CDH4: variants seen among roughly 807,000 people sequenced by gnomAD.
The protein encoded by CDH4 is cadherin-4.
Under a neutral mutation model 86.0 loss-of-function variants are expected in CDH4, and 33 were observed. The ratio of observed to expected loss-of-function variants is 0.38; its 90% confidence interval spans 0.29 to 0.51. The LOEUF is 0.51. Among genes scored for constraint, CDH4 ranks in the 20% least tolerant of loss-of-function variants. The pLI is 0.86. For missense variants in CDH4, 1,114 were observed against 1,307.4 expected (o/e 0.85, Z 2.28); for synonymous variants, 555 against 549.4 (o/e 1.01, Z -0.14).
At chr20:61,532,582 C>T (rs1397073287) in intron 2 of CDH4, among the ~76,000 whole-genome samples, 1 of 152,192 alleles carries the variant, frequency 6.6e-6, no homozygotes, top group East Asian at 1.9e-4. Flanking sequence ...GCAAAACACA[C>T]AAGCAATGCA....
chr20:61,384,812 G>A (rs1199033587), intron 2 of CDH4, among the ~76,000 whole-genome samples: 1 of 151,854 alleles, frequency 6.6e-6, no homozygotes, highest in African/African-American at 2.4e-5. Context: ...TATTTTCTAG[G>A]TCATTAAACA....
chr20:61,504,987 G>A (rs1044710871), intron 2 of CDH4, among the ~76,000 whole-genome samples: 2 of 152,228 alleles, frequency 1.3e-5, no homozygotes, highest in Admixed American at 1.3e-4. Context: ...ATGTTGGGGA[G>A]GGGGCTTCTC....
intron 2 of CDH4, among the ~76,000 whole-genome samples, chr20:61,478,846 G>C (rs1286770436): frequency 6.6e-6 from 1 of 152,206 alleles, no homozygotes; most frequent in East Asian, 1.9e-4. Context: ...CTTCTGTCTG[G>C]CTGTATCACC....
intron 2 of CDH4, among the ~76,000 whole-genome samples, chr20:61,632,460 A>G (rs2145789644): frequency 6.6e-6 from 1 of 152,236 alleles, no homozygotes; most frequent in Admixed American, 6.5e-5. Flanking sequence ...TAAAGGATGG[A>G]AGCATCGTTA....
At chr20:61,476,829 G>C (rs1469166577) in intron 2 of CDH4, among the ~76,000 whole-genome samples, 1 of 152,236 alleles carries the variant, frequency 6.6e-6, no homozygotes, top group Non-Finnish European at 1.5e-5. Context: ...TACTGACACA[G>C]GCTGCTCCAT....
intron 2 of CDH4, among the ~76,000 whole-genome samples, chr20:61,536,949 C>T (rs2086001856): frequency 6.6e-6 from 1 of 152,214 alleles, no homozygotes; most frequent in Admixed American, 6.5e-5. Context: ...ACCCTATGCT[C>T]CAGTGCCTGG....
In CDH4 at chr20:61,681,163, A is replaced by G. The variant is rs1600868496; in HGVS notation, c.170-62400A>G. On this transcript the variant is annotated intron_variant, in intron 2 of 15. Transcript: ENST00000614565. The surrounding 1 kb of genome is among the most constrained non-coding windows in gnomAD (Gnocchi z 4.5). ...GAAAATGTCTCTGCAAGGGTAAAAC[A>G]CCCGCCCTCACGTCCTAATGGCTTT... Among the ~76,000 whole-genome samples the G allele has an allele frequency of 6.6e-6, 1 of 152,080 alleles. No individual in the cohort carries two copies. The highest frequency in any genetic ancestry group is 6.5e-5 in the Admixed American group (1 of 15,268).
At chr20:61,715,265 T>A (rs1320010768) in intron 2 of CDH4, among the ~76,000 whole-genome samples, 1 of 152,244 alleles carries the variant, frequency 6.6e-6, no homozygotes, top group Admixed American at 6.5e-5. Flanking sequence ...GTTCCTTTTT[T>A]TCTTGCTGAT....
In CDH4 at chr20:61,777,847, AAC is replaced by A. The variant is rs1335666686; in HGVS notation, c.576+4669_576+4670del. On this transcript the variant is annotated intron_variant, in intron 4 of 15. Coordinates refer to ENST00000614565, the MANE Select transcript of CDH4 (RefSeq NM_001794.5). ...ACATGCGCACGCACTTGCATACAAA[AAC>A]ACATCCACATGCGCACGCACGTGCA... 6.2e-5 allele frequency among the ~76,000 whole-genome samples: 9 copies of A among 146,122 alleles called. 3 individuals carry two copies. The highest frequency in any genetic ancestry group is 5.4e-4 in the Admixed American group (8 of 14,826).
rs903523885 is a variant in CDH4 at position 61,269,273 on chromosome 20, G to C, written c.169+14336G>C. 1.3e-5 allele frequency among the ~76,000 whole-genome samples: 2 copies of C among 152,162 alleles called. No homozygotes were observed. Among genetic ancestry groups the C allele is most frequent in the African/African-American group, 4.8e-5 (2 of 41,438 alleles). On this transcript the variant is annotated intron_variant, in intron 2 of 15. Coordinates refer to ENST00000614565, the MANE Select transcript of CDH4 (RefSeq NM_001794.5). This position sits in a 1 kb window ranked among gnomAD's most constrained non-coding sequence, Gnocchi z 5.3. ...CTGCCACTACCTTAGTGGCCCTGGA[G>C]GAGCCAGGATTGATGGGGGGCAGCC...
intron 2 of CDH4, among the ~76,000 whole-genome samples, chr20:61,636,313 C>A (rs1027412906): frequency 6.6e-6 from 1 of 152,220 alleles, no homozygotes; most frequent in East Asian, 1.9e-4. Flanking sequence ...TGTGAAAAGG[C>A]AGAAAGTGGC....
At chr20:61,831,657 C>T (rs1981619763) in intron 4 of CDH4, among the ~76,000 whole-genome samples, 1 of 152,270 alleles carries the variant, frequency 6.6e-6, no homozygotes, top group African/African-American at 2.4e-5. Flanking sequence ...GTGCAGCCTC[C>T]TCCCCCTCAG....
In CDH4 at chr20:61,673,398, G is replaced by A. The variant is rs182070591; in HGVS notation, c.170-70165G>A. Among the ~76,000 whole-genome samples the A allele has an allele frequency of 8.8e-4, 134 of 152,330 alleles. 1 individual carries two copies. The highest frequency in any genetic ancestry group is 3.0e-3 in the African/African-American group (125 of 41,584). On this transcript the variant is annotated intron_variant, in intron 2 of 15. Coordinates refer to ENST00000614565, the MANE Select transcript of CDH4 (RefSeq NM_001794.5). ...TTTGTGCCTCCTTTTAAAGGCCCAC[G>A]TGAAGGGCATGGTGCTTATCACCGT... is the stretch of plus-strand genomic sequence containing the variant.
chr20:61,656,356 AGTGGGCAGGCGCGTGCTGGG>A (rs1319977438), intron 2 of CDH4, among the ~76,000 whole-genome samples: 2 of 52,892 alleles, frequency 3.8e-5, no homozygotes, highest in African/African-American at 8.8e-5. Context: ...CGCGTGCTGA[AGTGGGCAGGCGCGTGCTGGG>A]GTGGGCAGGT....
chr20:61,653,502 AGTAGGGGCGGCCGG>A (rs2087148522), intron 2 of CDH4, among the ~76,000 whole-genome samples: 1 of 141,414 alleles, frequency 7.1e-6, no homozygotes, highest in Non-Finnish European at 1.6e-5. Context: ...CTCACTTCCC[AGTAGGGGCGGCCGG>A]GCAGAGGCGC....
intron 2 of CDH4, among the ~76,000 whole-genome samples, chr20:61,357,263 C>T (rs927746238): frequency 1.3e-5 from 2 of 152,208 alleles, no homozygotes; most frequent in East Asian, 1.9e-4. Flanking sequence ...GTTTCAGCCT[C>T]GCCTTGGACA....
rs2085697645 is a variant in CDH4, at chr20:61,501,108, G to A, written c.170-242455G>A. Among the ~76,000 whole-genome samples, 2 of 152,184 alleles carry A rather than the reference G, an allele frequency of 1.3e-5. No individual in the cohort carries two copies. Among genetic ancestry groups the A allele is most frequent in the South Asian group, 4.1e-4 (2 of 4,826 alleles). Reference sequence around the variant, plus strand: ...GATTTCCAAGGTCTTCTCTGGTTAAGACCAGAAACATGTTTCTGTAGAGCC... The same window carrying A: ...GATTTCCAAGGTCTTCTCTGGTTAAAACCAGAAACATGTTTCTGTAGAGCC... On this transcript the variant is annotated intron_variant, in intron 2 of 15. Coordinates refer to ENST00000614565, the MANE Select transcript of CDH4 (RefSeq NM_001794.5). This position sits in a 1 kb window ranked among gnomAD's most constrained non-coding sequence, Gnocchi z 4.2.
intron 7 of CDH4, 44 bp from the exon 8 acceptor site, chr20:61,894,866 C>A (rs1250266625): frequency 6.3e-7 from 1 of 1,584,570 alleles, no homozygotes; most frequent in Non-Finnish European, 8.6e-7. Context: ...AATTAAAACC[C>A]AAACTGATTT....
At chr20:61,412,206 G>A (rs139331862) in intron 2 of CDH4, among the ~76,000 whole-genome samples, 2 of 152,170 alleles carry the variant, frequency 1.3e-5, no homozygotes, top group Non-Finnish European at 2.9e-5. Context: ...ACAGACCAAA[G>A]TGAACTTCAG....
Sources: gnomAD v4.1 joint callset for allele counts (sites outside exome capture counted in the v4.1 genomes callset) on GRCh38, gnomAD v4.1.1 for gene constraint, Gnocchi (gnomAD v3.1) non-coding constraint, MANE v1.5 for transcripts, NCBI Gene and HGNC (gene_info 2026-07-23, HGNC 2026-07-21) for gene names.